Variants in ACVR1 observed in about 807,000 individuals in gnomAD.
ACVR1 encodes the protein activin receptor type-1.
Under a neutral mutation model 57.1 loss-of-function variants are expected in ACVR1, and 38 were observed. That is an observed-to-expected ratio of 0.67 (90% confidence interval 0.51 to 0.87). ACVR1 has a LOEUF of 0.87. Ranked by LOEUF, ACVR1 falls within the 40% of genes least tolerant of loss-of-function variation. The pLI, the probability that ACVR1 is intolerant of heterozygous loss-of-function variation, is 0.00. For missense variants in ACVR1, 463 were observed against 638.2 expected, an observed-to-expected ratio of 0.73 and a Z score of 2.96; for synonymous variants, 212 against 228.1, an observed-to-expected ratio of 0.93 and a Z score of 0.63.
intron 5 of ACVR1, among the ~76,000 whole-genome samples, chr2:157,775,254 G>A (rs1469997025): frequency 6.6e-6 from 1 of 152,142 alleles, no homozygotes; most frequent in Non-Finnish European, 1.5e-5. Flanking sequence ...TAAAACCAGT[G>A]CCCCAAGTCA....
chr2:157,772,418 A>T (rs1686105007), intron 6 of ACVR1, among the ~76,000 whole-genome samples: 1 of 152,222 alleles, frequency 6.6e-6, no homozygotes, highest in African/African-American at 2.4e-5. Context: ...TACCACATGA[A>T]CACACTAACT....
intron 1 of ACVR1, among the ~76,000 whole-genome samples, chr2:157,863,317 G>T (rs1350972820): frequency 3.9e-4 from 45 of 114,230 alleles, no homozygotes; most frequent in African/African-American, 1.3e-3. Context: ...CCAGCCTATA[G>T]AACAGTTAAA....
At chr2:157,764,666 A>C (rs1327184113) in intron 8 of ACVR1, among the ~76,000 whole-genome samples, 3 of 152,138 alleles carry the variant, frequency 2.0e-5, no homozygotes, top group Non-Finnish European at 4.4e-5. Flanking sequence ...GGCCAGGTAA[A>C]TAGATAAATA....
chr2:157,770,691 T>C (rs941368027), intron 6 of ACVR1, among the ~76,000 whole-genome samples, 177 bp from the exon 7 acceptor site: 1 of 152,138 alleles, frequency 6.6e-6, no homozygotes, highest in Non-Finnish European at 1.5e-5. Flanking sequence ...TTTTGGCCTA[T>C]AAAGACATAC....
intron 1 of ACVR1, chr2:157,819,581 A>G (rs1334036201): frequency 6.6e-6 from 1 of 152,130 alleles, no homozygotes; most frequent in Non-Finnish European, 1.5e-5. Context: ...GGCCCCTCCT[A>G]GAGGCATCCA....
At chr2:157,763,924 C>T (rs1272241633) in intron 8 of ACVR1, among the ~76,000 whole-genome samples, 1 of 152,078 alleles carries the variant, frequency 6.6e-6, no homozygotes, top group Non-Finnish European at 1.5e-5. Flanking sequence ...TGGAAGGTTA[C>T]AAGCCAAAAG....
intron 1 of ACVR1, among the ~76,000 whole-genome samples, chr2:157,819,803 G>GA (rs1688098610): frequency 6.6e-6 from 1 of 152,086 alleles, no homozygotes; most frequent in South Asian, 2.1e-4. Flanking sequence ...TTTCCTTTAG[G>GA]AAGACTTGAA....
intron 1 of ACVR1, chr2:157,826,730 GGAAA>G (rs1688371195): frequency 1.5e-5 from 1 of 65,848 alleles, no homozygotes; most frequent in African/African-American, 1.0e-4. Flanking sequence ...GGAAAGGAAA[GGAAA>G]GGAAAGGAAA....
At chr2:157,872,445 GA>G (rs978105571) in intron 1 of ACVR1, among the ~76,000 whole-genome samples, 1 of 152,186 alleles carries the variant, frequency 6.6e-6, no homozygotes, top group African/African-American at 2.4e-5. Flanking sequence ...AGGTGATGCT[GA>G]AAAGTGCTAG....
intron 1 of ACVR1, among the ~76,000 whole-genome samples, chr2:157,859,509 A>C (rs1346779179): frequency 1.3e-5 from 2 of 152,138 alleles, no homozygotes; most frequent in Non-Finnish European, 2.9e-5. Flanking sequence ...ACTCGCCTCC[A>C]ATTTTTTCTT....
chr2:157,858,381 T>TTTACTG, intron 1 of ACVR1, among the ~76,000 whole-genome samples: 1 of 152,276 alleles, frequency 6.6e-6, no homozygotes. Context: ...CCACTTGAAC[T>TTTACTG]TTACCGCCTC....
At chr2:157,861,330 G>A (rs1689709977) in intron 1 of ACVR1, among the ~76,000 whole-genome samples, 1 of 152,198 alleles carries the variant, frequency 6.6e-6, no homozygotes, top group South Asian at 2.1e-4. Flanking sequence ...ATGAAAAGGA[G>A]ATAATATGTG....
intron 1 of ACVR1, among the ~76,000 whole-genome samples, chr2:157,849,727 CA>C (rs1436127929): frequency 1.3e-5 from 2 of 152,188 alleles, no homozygotes; most frequent in African/African-American, 4.8e-5. Context: ...TAGCAGGAGA[CA>C]GGGGCCAGGA....
intron 1 of ACVR1, among the ~76,000 whole-genome samples, chr2:157,841,436 G>A (rs2105355573): frequency 6.6e-6 from 1 of 152,274 alleles, no homozygotes; most frequent in Middle Eastern, 3.4e-3. Flanking sequence ...GACCAAGAAG[G>A]CCACTAAGAC....
chr2:157,775,079 T>C (rs3768795), intron 5 of ACVR1, among the ~76,000 whole-genome samples: 7,952 of 152,192 alleles, frequency 0.052, 569 homozygotes, highest in East Asian at 0.41. Flanking sequence ...CCAATGACCA[T>C]GTGGATCATT....
chr2:157,779,206 T>G (rs1260531477), intron 4 of ACVR1, among the ~76,000 whole-genome samples: 2 of 152,348 alleles, frequency 1.3e-5, no homozygotes, highest in Middle Eastern at 3.4e-3. Flanking sequence ...AGCAGAGTGA[T>G]CTGCAGATTA....
At chr2:157,827,481 A>G (rs1056651645) in intron 1 of ACVR1, among the ~76,000 whole-genome samples, 4 of 152,246 alleles carry the variant, frequency 2.6e-5, no homozygotes, top group South Asian at 2.1e-4. Context: ...CATGAATTGT[A>G]TAAGTGTTTG....
intron 6 of ACVR1, among the ~76,000 whole-genome samples, chr2:157,773,267 C>A (rs1686140051): frequency 6.6e-6 from 1 of 152,176 alleles, no homozygotes; most frequent in Non-Finnish European, 1.5e-5. Flanking sequence ...GCACTTTGTA[C>A]CATCTTCCAA....
At chr2:157,845,586 T>C (rs1689106293) in intron 1 of ACVR1, among the ~76,000 whole-genome samples, 1 of 150,942 alleles carries the variant, frequency 6.6e-6, no homozygotes, top group African/African-American at 2.4e-5. Context: ...ACATTGCTGT[T>C]GTTTGTGGTA....
Sources: gnomAD v4.1 joint callset for allele counts (sites outside exome capture counted in the v4.1 genomes callset) on GRCh38, gnomAD v4.1.1 for gene constraint, MANE v1.5 for transcripts, NCBI Gene and HGNC (gene_info 2026-07-23, HGNC 2026-07-21) for gene names.